PPP3CA: variants seen among roughly 807,000 people sequenced by gnomAD.
The protein encoded by PPP3CA is protein phosphatase 3 catalytic subunit alpha.
PPP3CA carries 14 observed loss-of-function variants against 66.5 expected under a neutral mutation model. The observed-to-expected ratio is 0.21, with a 90% confidence interval of 0.14 to 0.33. The LOEUF is 0.33. Ranked by LOEUF, PPP3CA falls within the 10% of genes least tolerant of loss-of-function variation. The pLI, the probability that PPP3CA is intolerant of heterozygous loss-of-function variation, is 1.00. For synonymous variants in PPP3CA, 232 were observed against 226.2 expected, an observed-to-expected ratio of 1.03 and a Z score of -0.23; for missense variants, 317 against 639.5, an observed-to-expected ratio of 0.50 and a Z score of 5.44.
At chr4:101,241,595 G>A (rs1197791201) in intron 1 of PPP3CA, among the ~76,000 whole-genome samples, 1 of 151,890 alleles carries the variant, frequency 6.6e-6, no homozygotes, top group Admixed American at 6.6e-5. Context: ...TTAATCCAAT[G>A]CTTACTATTT....
At chr4:101,124,686 AAAGAAAG>A (rs926881665) in intron 2 of PPP3CA, among the ~76,000 whole-genome samples, 2 of 89,444 alleles carry the variant, frequency 2.2e-5, no homozygotes, top group Non-Finnish European at 4.2e-5. Flanking sequence ...AGAAAGAAAG[AAAGAAAG>A]AAAGAAAGAA....
intron 1 of PPP3CA, among the ~76,000 whole-genome samples, chr4:101,320,277 G>A (rs529407827): frequency 1.3e-5 from 2 of 151,782 alleles, no homozygotes; most frequent in Admixed American, 1.3e-4. Context: ...GCATTAGGGA[G>A]GCATTCCCTA....
At chr4:101,150,099 T>G (rs1475367957) in intron 2 of PPP3CA, among the ~76,000 whole-genome samples, 1 of 152,090 alleles carries the variant, frequency 6.6e-6, no homozygotes, top group South Asian at 2.1e-4. Flanking sequence ...AGAATGATAA[T>G]ATACATACTT....
At chr4:101,136,811 T>C (rs1485637738) in intron 2 of PPP3CA, among the ~76,000 whole-genome samples, 1 of 152,126 alleles carries the variant, frequency 6.6e-6, no homozygotes, top group Non-Finnish European at 1.5e-5. Context: ...CTATTACTAA[T>C]GTGCACCTCA....
At position 101,025,589 on chromosome 4, in the gene PPP3CA, A is replaced by G. The variant is rs1230386562; in HGVS notation, c.*276T>C. 4 of 297,928 alleles carry G rather than the reference A, an allele frequency of 1.3e-5. No individual in the cohort carries two copies. The highest frequency in any genetic ancestry group is 4.6e-5 in the Admixed American group (1 of 21,768). 18.5% of individuals were successfully genotyped at this position (297,928 alleles called of 1,614,324 possible). ...CCCTAACATTGCAGTATATACTAGC[A>G]TTAGCTTTCTTTTTAAAATTTTTTT... is the stretch of plus-strand genomic sequence containing the variant. On this transcript the variant is annotated 3_prime_UTR_variant, in exon 14 of 14. Coordinates refer to ENST00000394854, the MANE Select transcript of PPP3CA (RefSeq NM_000944.5).
rs150578843 is a variant in PPP3CA at position 101,325,364 on chromosome 4, C to A, written c.58+21375G>T. ...TGATGCTACTGTTATGTGGACCACA[C>A]TTTTGAGTAGCACTGTTCTATACAT... On this transcript the variant is annotated intron_variant, in intron 1 of 13. Coordinates refer to ENST00000394854, the MANE Select transcript of PPP3CA (RefSeq NM_000944.5). 6.9e-3 allele frequency among the ~76,000 whole-genome samples: 1,055 copies of A among 152,296 alleles called. 7 individuals are homozygous for A. The highest frequency in any genetic ancestry group is 0.019 in the South Asian group (91 of 4,828).
intron 1 of PPP3CA, among the ~76,000 whole-genome samples, chr4:101,204,901 T>C (rs190631273): frequency 6.6e-6 from 1 of 150,868 alleles, no homozygotes; most frequent in East Asian, 1.9e-4. Flanking sequence ...CTCTACAATG[T>C]TTTTTAAATT....
chr4:101,291,260 T>C (rs1445322625), intron 1 of PPP3CA, among the ~76,000 whole-genome samples: 1 of 152,238 alleles, frequency 6.6e-6, no homozygotes. Flanking sequence ...TTGGGGCCAA[T>C]TCTTCATTTG....
chr4:101,151,722 T>C (rs1221504292), intron 2 of PPP3CA, among the ~76,000 whole-genome samples: 2 of 120,166 alleles, frequency 1.7e-5, no homozygotes, highest in African/African-American at 6.3e-5. Flanking sequence ...AGTGGCGCAA[T>C]CTCAGCTCAC....
At position 101,025,872 on chromosome 4, in the gene PPP3CA, A is replaced by G. The variant is rs753154536; in HGVS notation, c.1559T>C (p.Ile520Thr). The change falls in exon 14 of 14, where the codon ATT becomes ACT. Residue 520 changes from isoleucine (I) to threonine (T), a missense_variant. Ile to Thr is a moderately conservative substitution (Grantham distance 89). Around this residue, in one of 3 missense-constraint regions of PPP3CA, gnomAD observed 40 missense variants for 38.6 expected, o/e 1.04. Transcript: ENST00000394854. ...AAAGTGAACAGGAAGTGGTCACTGAATATTGCTGCTATTACTGCCATTGCT... is the reference window on the plus strand; with the variant it reads ...AAAGTGAACAGGAAGTGGTCACTGAGTATTGCTGCTATTACTGCCATTGCT... ...TDSNGSNSSN[I>T]Q 1.3e-6 allele frequency: 2 copies of G among 1,562,812 alleles called. No homozygotes were observed. Among genetic ancestry groups the G allele is most frequent in the South Asian group, 1.2e-5 (1 of 85,236 alleles).
rs1229916816 is a variant in PPP3CA, at chr4:101,311,437, C to T, written c.58+35302G>A. Among the ~76,000 whole-genome samples, 3 of 152,104 alleles carry T rather than the reference C, an allele frequency of 2.0e-5. No homozygotes were observed. The East Asian group carries it at 5.8e-4, about 29-fold the overall frequency. ...TAGCTATTTGTTAGGTGTTCTGGCC[C>T]CTAAGCCATGCTGCCTCTCTATATT... On this transcript the variant is annotated intron_variant, in intron 1 of 13. Transcript: ENST00000394854.
At chr4:101,249,825 A>T (rs890107782) in intron 1 of PPP3CA, among the ~76,000 whole-genome samples, 1 of 152,192 alleles carries the variant, frequency 6.6e-6, no homozygotes. Context: ...TATTCAAAAC[A>T]AATTGTTAGT....
rs372731314 is a variant in PPP3CA at position 101,106,437 on chromosome 4, GAA to G, written c.384+2515_384+2516del. On this transcript the variant is annotated intron_variant, in intron 3 of 13. Coordinates refer to ENST00000394854, the MANE Select transcript of PPP3CA (RefSeq NM_000944.5). The stretch of plus-strand genomic sequence containing the variant: ...AGAAAGAAAGAAAGAAAGAAAGAAA[GAA>G]AGAAAGAAAGAAAGAGAAAAGAAAA... Among the ~76,000 whole-genome samples, 2 of 12,146 alleles carry G rather than the reference GAA, an allele frequency of 1.6e-4. 1 individual carries two copies. Among genetic ancestry groups the G allele is most frequent in the African/African-American group, 5.3e-4 (2 of 3,778 alleles). 8.0% of individuals were successfully genotyped at this position (12,146 alleles called of 152,430 possible).
At chr4:101,261,128 T>A (rs962919375) in intron 1 of PPP3CA, among the ~76,000 whole-genome samples, 4 of 152,090 alleles carry the variant, frequency 2.6e-5, no homozygotes, top group African/African-American at 9.7e-5. Context: ...TTTACTTAAT[T>A]TCCATAAAAC....
At chr4:101,308,070 T>C (rs1728602806) in intron 1 of PPP3CA, among the ~76,000 whole-genome samples, 1 of 152,208 alleles carries the variant, frequency 6.6e-6, no homozygotes. Flanking sequence ...CTATTGGGTG[T>C]GCCTCCAAAC....
At chr4:101,270,806 C>T (rs1022479138) in intron 1 of PPP3CA, among the ~76,000 whole-genome samples, 1 of 152,052 alleles carries the variant, frequency 6.6e-6, no homozygotes, top group African/African-American at 2.4e-5. Context: ...ATTTTACATT[C>T]CAAAAAATCA....
intron 1 of PPP3CA, among the ~76,000 whole-genome samples, chr4:101,342,057 T>C (rs1416831407): frequency 6.6e-6 from 1 of 152,172 alleles, no homozygotes; most frequent in Non-Finnish European, 1.5e-5. Context: ...ACAAAAGTTA[T>C]AAATGAATGG....
chr4:101,163,802 T>C (rs535912699), intron 2 of PPP3CA, among the ~76,000 whole-genome samples: 1 of 152,034 alleles, frequency 6.6e-6, no homozygotes, highest in African/African-American at 2.4e-5. Flanking sequence ...TTTAAGTCAC[T>C]TAAGGGAATC....
chr4:101,091,861 TAATGAA>T (rs1410443683), intron 6 of PPP3CA, among the ~76,000 whole-genome samples: 1 of 137,676 alleles, frequency 7.3e-6, no homozygotes, highest in African/African-American at 2.8e-5. Flanking sequence ...ATAATAATAA[TAATGAA>T]GAAGAGGAGG....
Sources: allele counts gnomAD v4.1 joint callset (sites outside exome capture counted in the v4.1 genomes callset), GRCh38; gene constraint gnomAD v4.1.1; regional missense constraint gnomAD v4.1.1; transcripts MANE v1.5; gene names NCBI Gene and HGNC (gene_info 2026-07-23, HGNC 2026-07-21).